Variants in MRPS21 observed in about 807,000 individuals in gnomAD.
The protein encoded by MRPS21 is small ribosomal subunit protein bS21m.
Under a neutral mutation model 9.9 loss-of-function variants are expected in MRPS21, and 8 were observed. That is an observed-to-expected ratio of 0.81 (90% confidence interval 0.47 to 1.45). The LOEUF is 1.45. MRPS21 is among the 40% of genes most tolerant of loss of function. MRPS21 has a pLI of 0.00. For synonymous variants in MRPS21, 40 were observed against 40.3 expected, an observed-to-expected ratio of 0.99 and a Z score of 0.03; for missense variants, 101 against 118.9, an observed-to-expected ratio of 0.85 and a Z score of 0.70.
At chr1:150,303,840 C>T (rs1572150478) in intron 2 of MRPS21, 4 of 454,574 alleles carry the variant, frequency 8.8e-6, no homozygotes, top group South Asian at 6.2e-5. Context: ...TCACTTAATC[C>T]CTTGTGCTAT....
At chr1:150,306,162 A>G (rs1421832476) in intron 2 of MRPS21, among the ~76,000 whole-genome samples, 7 of 152,194 alleles carry the variant, frequency 4.6e-5, no homozygotes, top group African/African-American at 1.7e-4. Context: ...TTGGTGTAGG[A>G]AAAGAGAGTG....
intron 2 of MRPS21, among the ~76,000 whole-genome samples, chr1:150,305,712 C>T (rs915448019): frequency 1.3e-5 from 2 of 152,032 alleles, no homozygotes; most frequent in Non-Finnish European, 2.9e-5. Context: ...CTCCTGCCTC[C>T]GCTTCCCGAG....
chr1:150,303,751 T>A (rs1654225296), intron 2 of MRPS21: 2 of 304,428 alleles, frequency 6.6e-6, no homozygotes, highest in Admixed American at 7.4e-5. Flanking sequence ...CTATCTAAAC[T>A]CTAATATGCC....
intron 1 of MRPS21, 90 bp from the exon 2 acceptor site, chr1:150,294,245 T>A: frequency 1.2e-6 from 1 of 853,130 alleles, no homozygotes; most frequent in Admixed American, 2.1e-5. Context: ...CATGTTGAAT[T>A]TCCAAATCCT....
At chr1:150,298,219 C>CA (rs1235875850) in intron 2 of MRPS21, among the ~76,000 whole-genome samples, 1 of 152,184 alleles carries the variant, frequency 6.6e-6, no homozygotes, top group Non-Finnish European at 1.5e-5. Context: ...AGGCTTGAGC[C>CA]ACTGCACCTG....
At chr1:150,294,483 T>A (rs16830437) in intron 2 of MRPS21, 34 bp downstream of exon 2, 5 of 1,550,528 alleles carry the variant, frequency 3.2e-6, no homozygotes, top group Non-Finnish European at 4.4e-6. Context: ...ATGCCTAGAC[T>A]CTCTGGGAAG....
At chr1:150,303,648 C>T (rs1394995123) in intron 2 of MRPS21, among the ~76,000 whole-genome samples, 1 of 152,196 alleles carries the variant, frequency 6.6e-6, no homozygotes, top group Non-Finnish European at 1.5e-5. Flanking sequence ...GGGTCAGCCT[C>T]TCTGAACTTC....
chr1:150,304,615 C>T (rs949758180), intron 2 of MRPS21: 6 of 185,944 alleles, frequency 3.2e-5, no homozygotes, highest in Non-Finnish European at 5.7e-5. Flanking sequence ...ATTAGCTGGG[C>T]GTGGTGGTGC....
intron 2 of MRPS21, among the ~76,000 whole-genome samples, chr1:150,301,913 C>T (rs1461168248): frequency 6.6e-6 from 1 of 152,246 alleles, no homozygotes. Flanking sequence ...GAATAATTTT[C>T]TAGGTAAGGA....
chr1:150,308,032 G>A lies in MRPS21; in HGVS notation c.84-16G>A, dbSNP rs1654408082. 1 of 1,551,198 alleles carries A rather than the reference G, an allele frequency of 6.4e-7. No homozygotes were observed. Among genetic ancestry groups the A allele is most frequent in the African/African-American group, 1.4e-5 (1 of 73,912 alleles). On this transcript the variant is annotated splice_polypyrimidine_tract_variant and intron_variant, in intron 2 of 2. Coordinates refer to ENST00000614145, the MANE Select transcript of MRPS21 (RefSeq NM_031901.6). ...ATGATCCCAAATGTCTAACCTCATT[G>A]CTTGCCTTTATACAGAATCCTCACT...
chr1:150,294,549 GC>G, intron 2 of MRPS21, 100 bp downstream of exon 2: 2 of 1,003,568 alleles, frequency 2.0e-6, no homozygotes, highest in Non-Finnish European at 3.1e-6. Context: ...AACAGTGCCA[GC>G]CCAGGTGTTC....
At chr1:150,303,857 T>C in intron 2 of MRPS21, 1 of 455,916 alleles carries the variant, frequency 2.2e-6, no homozygotes, top group South Asian at 1.5e-5. Flanking sequence ...CTATGGACAT[T>C]TATTAGTCAT....
intron 2 of MRPS21, among the ~76,000 whole-genome samples, chr1:150,302,035 T>A (rs1002042691): frequency 6.6e-6 from 1 of 152,232 alleles, no homozygotes; most frequent in Non-Finnish European, 1.5e-5. Context: ...TTTCTTCTTT[T>A]TCTCTGCTTT....
intron 2 of MRPS21, chr1:150,304,566 C>G (rs1417644308): frequency 5.9e-6 from 1 of 169,148 alleles, no homozygotes; most frequent in East Asian, 1.9e-4. Context: ...ACCAGCCTGA[C>G]CAATATGGTG....
At chr1:150,306,995 C>G (rs587617732) in intron 2 of MRPS21, among the ~76,000 whole-genome samples, 3 of 151,888 alleles carry the variant, frequency 2.0e-5, no homozygotes, top group Admixed American at 1.3e-4. Context: ...ATAACTTTGA[C>G]TATAAACTCT....
intron 2 of MRPS21, among the ~76,000 whole-genome samples, chr1:150,294,876 G>T (rs587722521): frequency 1.1e-3 from 147 of 134,310 alleles, no homozygotes; most frequent in African/African-American, 4.0e-3. Context: ...TCCAGCCTGG[G>T]CAAGAGTGAG....
chr1:150,303,859 A>G, intron 2 of MRPS21: 1 of 455,916 alleles, frequency 2.2e-6, no homozygotes, highest in Non-Finnish European at 4.4e-6. Flanking sequence ...ATGGACATTT[A>G]TTAGTCATCT....
intron 2 of MRPS21, chr1:150,305,085 A>G (rs182257141): frequency 4.5e-4 from 134 of 297,486 alleles, no homozygotes; most frequent in African/African-American, 3.0e-3. Context: ...GCTGGAGTGC[A>G]GTGCCACAAT....
chr1:150,308,095 A>G lies in MRPS21; in HGVS notation c.131A>G (p.Tyr44Cys). Residue 44 changes from tyrosine to cysteine, a missense_variant, in exon 3 of 3, where the codon TAT becomes TGT. By Grantham distance (194) the Tyr-to-Cys change is radical. Coordinates refer to ENST00000614145, the MANE Select transcript of MRPS21 (RefSeq NM_031901.6). ...ATTGAGGACATTAAGCATCGGCGGT[A>G]TTATGAGAAGCCATGCTGCCGGCGA... The part of the protein sequence containing the change: ...GLIEDIKHRR[Y>C]YEKPCCRRQR... 3 of 1,605,032 alleles carry G rather than the reference A, an allele frequency of 1.9e-6. No homozygotes were observed. The highest frequency in any genetic ancestry group is 2.2e-5 in the East Asian group (1 of 44,516).
Sources: gnomAD v4.1 joint callset for allele counts (sites outside exome capture counted in the v4.1 genomes callset) on GRCh38, gnomAD v4.1.1 for gene constraint, MANE v1.5 for transcripts, NCBI Gene and HGNC (gene_info 2026-07-23, HGNC 2026-07-21) for gene names.